The following LAMA2 variants were observed in gnomAD, a reference collection of about 807,000 sequenced individuals.
LAMA2 encodes the protein laminin subunit alpha 2.
LAMA2 carries 269 observed loss-of-function variants against 364.8 expected under a neutral mutation model. The observed-to-expected ratio is 0.74, with a 90% CI of 0.67 to 0.82. The LOEUF (loss-of-function observed/expected upper bound fraction) is 0.82, where lower values mean the gene tolerates loss of function less well. LAMA2 is among the 40% of genes least tolerant of loss of function. The pLI is 0.00. For missense variants in LAMA2, 3,807 were observed against 3,873.2 expected, an observed-to-expected ratio of 0.98 and a Z score of 0.45; for synonymous variants, 1,379 against 1,370.6, an observed-to-expected ratio of 1.01 and a Z score of -0.14.
intron 62 of LAMA2, 131 bp from the exon 63 acceptor site, chr6:129,512,232 G>A (rs1013675166): frequency 2.3e-6 from 2 of 854,170 alleles, no homozygotes; most frequent in Non-Finnish European, 3.7e-6. Context: ...GGCAGGATCT[G>A]AAACTTATAG....
intron 4 of LAMA2, among the ~76,000 whole-genome samples, chr6:129,131,477 C>T (rs1269754429): frequency 4.6e-5 from 7 of 152,202 alleles, no homozygotes; most frequent in Non-Finnish European, 7.3e-5. Context: ...CCCTGCAGCT[C>T]CCTGTGGTCA....
intron 12 of LAMA2, among the ~76,000 whole-genome samples, chr6:129,221,986 G>A (rs1482474295): frequency 1.3e-5 from 2 of 152,140 alleles, no homozygotes; most frequent in African/African-American, 4.8e-5. Context: ...TAACATTTTT[G>A]AGCAAACATA....
intron 3 of LAMA2, among the ~76,000 whole-genome samples, chr6:129,088,549 G>T (rs571012144): frequency 1.3e-5 from 2 of 151,526 alleles, no homozygotes; most frequent in African/African-American, 2.4e-5. Context: ...CCTCCTGGAC[G>T]GGGCGGCTGG....
chr6:129,114,301 T>A (rs77844714), intron 4 of LAMA2, among the ~76,000 whole-genome samples: 2 of 152,046 alleles, frequency 1.3e-5, no homozygotes, highest in East Asian at 3.9e-4. Flanking sequence ...AAAGAGAATT[T>A]GGGGTTATTC....
At chr6:129,247,114 T>C (rs528686368) in intron 12 of LAMA2, among the ~76,000 whole-genome samples, 1 of 152,260 alleles carries the variant, frequency 6.6e-6, no homozygotes, top group East Asian at 1.9e-4. Context: ...TAGGGGTGCA[T>C]CCTCTAAATT....
chr6:129,237,027 C>T (rs967076930), intron 12 of LAMA2, among the ~76,000 whole-genome samples: 1 of 152,200 alleles, frequency 6.6e-6, no homozygotes, highest in Admixed American at 6.5e-5. Context: ...GCTTTCACCA[C>T]CTGCCATCTT....
intron 1 of LAMA2, among the ~76,000 whole-genome samples, chr6:129,037,058 T>C (rs1786690847): frequency 6.6e-6 from 1 of 152,256 alleles, no homozygotes; most frequent in Non-Finnish European, 1.5e-5. Flanking sequence ...CAGTCAATTA[T>C]CTCCTTTTCT....
rs573759497 is a variant in LAMA2 at position 129,470,225 on chromosome 6, G to A, written c.7301-2989G>A. On this transcript the variant is annotated intron_variant, in intron 51 of 64. Transcript: ENST00000421865. ...CTCTCTAGTTTAGTAGATTGGGTGG[G>A]GGGGTCATAAGACCAACAAAAAAAA... Among the ~76,000 whole-genome samples the A allele has an allele frequency of 3.3e-5, 5 of 151,894 alleles. No homozygotes were observed. The South Asian group carries it at 6.2e-4, about 19-fold the overall frequency.
chr6:129,260,062 T>C (rs760708721), intron 14 of LAMA2, among the ~76,000 whole-genome samples: 16 of 152,158 alleles, frequency 1.1e-4, no homozygotes, highest in Non-Finnish European at 1.6e-4. Flanking sequence ...TAATGAGTTA[T>C]GCCAAATCAC....
intron 4 of LAMA2, among the ~76,000 whole-genome samples, chr6:129,102,700 A>G (rs1775587457): frequency 6.6e-6 from 1 of 152,076 alleles, no homozygotes; most frequent in South Asian, 2.1e-4. Flanking sequence ...ATCTTTGTAT[A>G]ACAGAAGTTG....
Position 129,066,038 on chromosome 6 carries a change from G to GTTTTTTTTTTTTTTTTTTTTTT in LAMA2, c.396+6146_396+6167dup, listed in dbSNP as rs544271722. Among the ~76,000 whole-genome samples, 5 of 37,118 alleles carry GTTTTTTTTTTTTTTTTTTTTTT rather than the reference G, an allele frequency of 1.3e-4. 2 individuals are homozygous for GTTTTTTTTTTTTTTTTTTTTTT. Among genetic ancestry groups the GTTTTTTTTTTTTTTTTTTTTTT allele is most frequent in the African/African-American group, 4.3e-4 (5 of 11,704 alleles). 24.4% of individuals were successfully genotyped at this position (37,118 alleles called of 152,430 possible). On this transcript the variant is annotated intron_variant, in intron 3 of 64. Coordinates refer to ENST00000421865, the MANE Select transcript of LAMA2 (RefSeq NM_000426.4). ...TCTTTTGTAAATTGCCCAGTCTCAG[G>GTTTTTTTTTTTTTTTTTTTTTT]TTTTTTTTTTTTTTTTTTTTTTTTT... is the stretch of plus-strand genomic sequence containing the variant.
In LAMA2 at chr6:129,383,288, A is replaced by C. The variant is rs1178965262; in HGVS notation, c.5071+55A>C. ...ATTTCTCCCAACAGAAAAACACAGA[A>C]AGGGATGACACAGGACTGGAATTTC... On this transcript the variant is annotated intron_variant, in intron 35 of 64. Coordinates refer to ENST00000421865, the MANE Select transcript of LAMA2 (RefSeq NM_000426.4). The C allele has an allele frequency of 1.4e-5, 18 of 1,308,468 alleles. No individual in the cohort carries two copies. The South Asian group carries it at 2.1e-4, about 15-fold the overall frequency. 81.1% of individuals were successfully genotyped at this position (1,308,468 alleles called of 1,614,324 possible). A position where few individuals can be genotyped will look rare whatever the true frequency, so the allele number is the denominator to read the frequency against.
chr6:129,213,408 T>C (rs1168743671), intron 12 of LAMA2, among the ~76,000 whole-genome samples: 5 of 152,216 alleles, frequency 3.3e-5, no homozygotes, highest in African/African-American at 9.6e-5. Flanking sequence ...GTGCAATTAC[T>C]GGATCATATG....
In LAMA2 at chr6:129,165,654, G is replaced by T; in HGVS notation, c.1285G>T (p.Asp429Tyr). 2.5e-6 allele frequency: 4 copies of T among 1,611,384 alleles called. No individual in the cohort carries two copies. Among genetic ancestry groups the T allele is most frequent in the Non-Finnish European group, 3.4e-6 (4 of 1,177,808 alleles). ...IGSLNEVCVKDEKHARRGLAP... is the reference protein window; with the variant it reads ...IGSLNEVCVKYEKHARRGLAP... ...TTCCTTAAATGAAGTCTGTGTCAAGGATGAGAAACATGCTCGACGAGGTGA... is the reference window on the plus strand; with the variant it reads ...TTCCTTAAATGAAGTCTGTGTCAAGTATGAGAAACATGCTCGACGAGGTGA... The change falls in exon 9 of 65, where the codon GAT (aspartate) becomes TAT (tyrosine). Residue 429 changes from aspartate to tyrosine, a missense_variant. This residue lies in a region of LAMA2 where 3,333 missense variants were observed against 3,345.7 expected (regional missense o/e 1.00). Transcript: ENST00000421865.
chr6:129,342,470 A>G lies in LAMA2; in HGVS notation c.4436+3A>G. 1 of 1,612,602 alleles carries G rather than the reference A, an allele frequency of 6.2e-7. No individual in the cohort carries two copies. The highest frequency in any genetic ancestry group is 8.5e-7 in the Non-Finnish European group (1 of 1,178,912). On this transcript the variant is annotated splice_donor_region_variant and intron_variant, in intron 30 of 64. Coordinates refer to ENST00000421865, the MANE Select transcript of LAMA2 (RefSeq NM_000426.4). Reference sequence around the variant, plus strand: ...CCTCTGATTTCTTCCAGTAACAAGTAAGATTGAGAAATATAACCATATTTC... The same window carrying G: ...CCTCTGATTTCTTCCAGTAACAAGTGAGATTGAGAAATATAACCATATTTC...
At chr6:128,910,230 GT>G (rs1300197310) in intron 1 of LAMA2, among the ~76,000 whole-genome samples, 1 of 152,232 alleles carries the variant, frequency 6.6e-6, no homozygotes, top group Non-Finnish European at 1.5e-5. Context: ...CCTGCAGAGT[GT>G]TTTCCAACTT....
Position 129,438,860 on chromosome 6 carries a change from A to G in LAMA2, c.6085+98A>G, listed in dbSNP as rs568860985. The G allele has an allele frequency of 6.3e-5, 47 of 750,548 alleles. No homozygotes were observed. The South Asian group carries it at 6.4e-4, about 10-fold the overall frequency. 46.5% of individuals were successfully genotyped at this position (750,548 alleles called of 1,614,324 possible). On this transcript the variant is annotated intron_variant, in intron 42 of 64. Transcript: ENST00000421865. ...TTTTTTCTAAGATTATTCTGGTACT[A>G]TTATCTGGAAATTAGATACTGTTTT...
At chr6:128,929,701 G>T in intron 1 of LAMA2, 2 of 1,400,000 alleles carry the variant, frequency 1.4e-6, no homozygotes, top group Non-Finnish European at 1.0e-6. Context: ...GCAATCACCC[G>T]ATGAAACCTC....
At chr6:129,152,986 A>C (rs1393403938) in intron 7 of LAMA2, among the ~76,000 whole-genome samples, 1 of 150,904 alleles carries the variant, frequency 6.6e-6, no homozygotes, top group Non-Finnish European at 1.5e-5. Flanking sequence ...GCACACCTAC[A>C]CACACACACA....
Sources: gnomAD v4.1 joint callset for allele counts (sites outside exome capture counted in the v4.1 genomes callset) on GRCh38, gnomAD v4.1.1 for gene constraint, gnomAD v4.1.1 regional missense constraint, MANE v1.5 for transcripts, NCBI Gene and HGNC (gene_info 2026-07-23, HGNC 2026-07-21) for gene names.